Variants in TRIM2 observed in about 807,000 individuals in gnomAD.
TRIM2 encodes the protein tripartite motif containing 2, also known as tripartite motif-containing protein 2.
Under a neutral mutation model 75.2 loss-of-function variants are expected in TRIM2, and 20 were observed. The ratio of observed to expected loss-of-function variants is 0.27; its 90% CI spans 0.19 to 0.39. The LOEUF is 0.39. Among genes scored for constraint, TRIM2 ranks in the 10% least tolerant of loss-of-function variants. The probability of loss-of-function intolerance (pLI) is 1.00; values close to 1 mark genes in which losing one functional copy is unlikely to be tolerated. For missense variants in TRIM2, 660 were observed against 990.8 expected (o/e 0.67, Z 4.48); for synonymous variants, 373 against 388.3 (o/e 0.96, Z 0.46).
intron 1 of TRIM2, among the ~76,000 whole-genome samples, chr4:153,243,682 T>A (rs912665429): frequency 7.2e-5 from 11 of 152,208 alleles, no homozygotes; most frequent in African/African-American, 2.7e-4. Flanking sequence ...AGGGTATTAT[T>A]GTGACATCTG....
At chr4:153,298,565 C>G (rs1034416259) in intron 6 of TRIM2, among the ~76,000 whole-genome samples, 1 of 152,188 alleles carries the variant, frequency 6.6e-6, no homozygotes, top group African/African-American at 2.4e-5. Flanking sequence ...AAGACCTAAT[C>G]TCCAAATATG....
chr4:153,330,373 C>A (rs1393976610), intron 11 of TRIM2, among the ~76,000 whole-genome samples: 1 of 152,120 alleles, frequency 6.6e-6, no homozygotes, highest in Non-Finnish European at 1.5e-5. Context: ...AAGAAAGCTA[C>A]AGACCATATT....
chr4:153,204,330 A>C, upstream of TRIM2: 1 of 608,450 alleles, frequency 1.6e-6, no homozygotes, highest in Admixed American at 2.9e-5. Flanking sequence ...TTAAGCAAAC[A>C]GAGCCCAAAG....
At chr4:153,270,557 G>T (rs1756428508) in intron 2 of TRIM2, 38 bp downstream of exon 2, 1 of 1,552,212 alleles carries the variant, frequency 6.4e-7, no homozygotes, top group East Asian at 2.3e-5. Context: ...GAGTTTCGCA[G>T]GCTGACCTCC....
At chr4:153,183,408 T>C (rs551154859) in intron 1 of TRIM2, among the ~76,000 whole-genome samples, 1 of 152,316 alleles carries the variant, frequency 6.6e-6, no homozygotes, top group East Asian at 1.9e-4. Flanking sequence ...GAACAGCTGC[T>C]TTAAGAGAGT....
Position 153,293,044 on chromosome 4 carries a change from G to A in TRIM2, c.516G>A (p.Glu172=), listed in dbSNP as rs1762131162. Residue 172 remains glutamate, a synonymous_variant, in exon 4 of 12, where the codon GAG becomes GAA. Transcript: ENST00000338700. ...TGTGTCGGGAGTGCACGGAGGGGGA[G>A]CACGCAGAGCACCCCACAGTTCCAC... ...TAMCRECTEG[E]HAEHPTVPLK... is the part of the protein sequence containing the mutation. The A allele has an allele frequency of 3.1e-6, 5 of 1,613,770 alleles. No individual in the cohort carries two copies. Among genetic ancestry groups the A allele is most frequent in the East Asian group, 4.5e-5 (2 of 44,876 alleles).
intron 11 of TRIM2, among the ~76,000 whole-genome samples, chr4:153,331,953 A>C (rs1042437422): frequency 1.2e-4 from 19 of 152,360 alleles, no homozygotes; most frequent in Admixed American, 5.9e-4. Flanking sequence ...CAGAGGAAAA[A>C]AAGAATGAAC....
chr4:153,188,277 T>G (rs1434312618), intron 1 of TRIM2, among the ~76,000 whole-genome samples: 1 of 152,184 alleles, frequency 6.6e-6, no homozygotes, highest in Admixed American at 6.5e-5. Flanking sequence ...CTGGGCAACA[T>G]GGTGAAACGC....
At chr4:153,323,959 G>A in intron 9 of TRIM2, 119 bp from the exon 10 acceptor site, 1 of 775,966 alleles carries the variant, frequency 1.3e-6, no homozygotes, top group Non-Finnish European at 2.1e-6. Context: ...CTGAGTCTAT[G>A]ATTCTTTGTA....
intron 3 of TRIM2, among the ~76,000 whole-genome samples, chr4:153,284,534 C>T (rs1024472709): frequency 3.3e-5 from 5 of 152,182 alleles, no homozygotes; most frequent in African/African-American, 9.7e-5. Context: ...ACAGTGGCTG[C>T]ACCAGTTTAC....
chr4:153,337,335 C>T lies in TRIM2; in HGVS notation c.*2369C>T, dbSNP rs1039365390. 1.9e-5 allele frequency: 19 copies of T among 985,662 alleles called. No individual in the cohort carries two copies. The highest frequency in any genetic ancestry group is 1.4e-4 in the South Asian group (3 of 21,290). The allele number at this position is 985,662 out of a possible 1,614,324, so 61.1% of individuals were successfully genotyped here. A position where few individuals can be genotyped will look rare whatever the true frequency, so the allele number is the denominator to read the frequency against. ...GAAATTAACTTACAATCTAACCAGC[C>T]ATCATATCATATCCTATCAGGCTAG... On this transcript the variant is annotated 3_prime_UTR_variant, in exon 12 of 12. Coordinates refer to ENST00000338700, the MANE Select transcript of TRIM2 (RefSeq NM_015271.5).
At chr4:153,279,887 G>A (rs1758853154) in intron 3 of TRIM2, among the ~76,000 whole-genome samples, 1 of 151,006 alleles carries the variant, frequency 6.6e-6, no homozygotes, top group Non-Finnish European at 1.5e-5. Context: ...AGATTGCAAT[G>A]AGCCAAGATT....
chr4:153,267,735 T>C (rs1755622400), intron 1 of TRIM2, among the ~76,000 whole-genome samples: 1 of 150,352 alleles, frequency 6.7e-6, no homozygotes, highest in South Asian at 2.1e-4. Flanking sequence ...CCTCTTTTCT[T>C]TCCTTCCTTC....
intron 6 of TRIM2, among the ~76,000 whole-genome samples, chr4:153,302,596 A>G (rs923510772): frequency 6.6e-6 from 1 of 152,228 alleles, no homozygotes; most frequent in African/African-American, 2.4e-5. Flanking sequence ...AAAGGTGAAG[A>G]GGAGAAGACA....
At chr4:153,296,468 G>GTA (rs1295366480) in intron 6 of TRIM2, among the ~76,000 whole-genome samples, 2 of 152,240 alleles carry the variant, frequency 1.3e-5, no homozygotes, top group Non-Finnish European at 2.9e-5. Flanking sequence ...AGCTGAGGCT[G>GTA]TACGGTTGGC....
chr4:153,334,829 G>A lies in TRIM2; in HGVS notation c.2179G>A (p.Gly727Arg). The A allele has an allele frequency of 6.2e-7, 1 of 1,611,860 alleles. No homozygotes were observed. The highest frequency in any genetic ancestry group is 8.5e-7 in the Non-Finnish European group (1 of 1,178,636). ...TTGTTTACAGGTTTTTGATGGGAGT[G>A]GATCATTTTTGTCCTACATTAACAC... ...NSRIQVFDGS[G>R]SFLSYINTSA... Residue 727 changes from glycine (G) to arginine (R), a missense_variant, in exon 12 of 12, where the codon GGA (glycine) becomes AGA (arginine). This residue lies in a region of TRIM2 where 40 missense variants were observed against 99.8 expected (regional missense o/e 0.40). Coordinates refer to ENST00000338700, the MANE Select transcript of TRIM2 (RefSeq NM_015271.5).
chr4:153,198,577 A>T (rs928738652), intron 1 of TRIM2, among the ~76,000 whole-genome samples: 4 of 152,152 alleles, frequency 2.6e-5, no homozygotes, highest in Non-Finnish European at 5.9e-5. Flanking sequence ...CTAGTACACC[A>T]TTCATCTATG....
chr4:153,233,785 T>C (rs889503467), intron 1 of TRIM2, among the ~76,000 whole-genome samples: 4 of 152,198 alleles, frequency 2.6e-5, no homozygotes, highest in Admixed American at 2.6e-4. Flanking sequence ...GTCTATGATA[T>C]CTTTTTATGG....
intron 1 of TRIM2, among the ~76,000 whole-genome samples, chr4:153,187,664 C>T (rs1240900158): frequency 6.6e-6 from 1 of 152,206 alleles, no homozygotes; most frequent in Non-Finnish European, 1.5e-5. Flanking sequence ...GAGCCTGTCA[C>T]AGAGCCTCGC....
Sources: gnomAD v4.1 joint callset for allele counts (sites outside exome capture counted in the v4.1 genomes callset) on GRCh38, gnomAD v4.1.1 for gene constraint, gnomAD v4.1.1 regional missense constraint, MANE v1.5 for transcripts, NCBI Gene and HGNC (gene_info 2026-07-23, HGNC 2026-07-21) for gene names.